The following SLC9B1 variants were observed in gnomAD, a reference collection of about 807,000 sequenced individuals.
The protein encoded by SLC9B1 is solute carrier family 9 member B1.
In SLC9B1, 32 loss-of-function variants were observed where a neutral mutation model predicts 51.7. The ratio of observed to expected loss-of-function variants is 0.62; its 90% CI spans 0.47 to 0.83. The LOEUF (loss-of-function observed/expected upper bound fraction) is 0.83. Among genes scored for constraint, SLC9B1 ranks in the 40% least tolerant of loss-of-function variants. SLC9B1 has a pLI of 0.00. For synonymous variants in SLC9B1, 145 were observed against 212.7 expected (o/e 0.68, Z 2.77); for missense variants, 406 against 613.2 (o/e 0.66, Z 3.57).
chr4:102,977,950 C>A (rs1166253578), intron 3 of SLC9B1, among the ~76,000 whole-genome samples: 1 of 151,976 alleles, frequency 6.6e-6, no homozygotes, highest in Non-Finnish European at 1.5e-5. Flanking sequence ...TAATGCTATC[C>A]CTCCCCACTA....
At chr4:102,952,810 TG>T (rs1737617578) in intron 3 of SLC9B1, among the ~76,000 whole-genome samples, 1 of 68,172 alleles carries the variant, frequency 1.5e-5, no homozygotes, top group Admixed American at 1.8e-4. Flanking sequence ...CACTTTTTGA[TG>T]GGGTTGTTTG....
At chr4:102,960,819 G>A (rs1332781104) in intron 3 of SLC9B1, among the ~76,000 whole-genome samples, 3 of 150,002 alleles carry the variant, frequency 2.0e-5, no homozygotes, top group Admixed American at 6.7e-5. Flanking sequence ...CACAACCTCC[G>A]CCTCCCGGGT....
At chr4:102,944,608 G>C (rs1737177280) in intron 6 of SLC9B1, among the ~76,000 whole-genome samples, 1 of 152,338 alleles carries the variant, frequency 6.6e-6, no homozygotes, top group Non-Finnish European at 1.5e-5. Context: ...CATTGGAATG[G>C]ATAAGCAGAG....
At chr4:102,934,154 T>C (rs1454453547) in intron 6 of SLC9B1, among the ~76,000 whole-genome samples, 4 of 152,268 alleles carry the variant, frequency 2.6e-5, no homozygotes, top group Non-Finnish European at 5.9e-5. Context: ...GCAGGGATTT[T>C]TACTGAGCTT....
intron 1 of SLC9B1, among the ~76,000 whole-genome samples, chr4:103,004,291 A>G (rs1314942656): frequency 6.6e-6 from 1 of 152,226 alleles, no homozygotes; most frequent in Non-Finnish European, 1.5e-5. Flanking sequence ...TTCATAATAC[A>G]ACCACAAGTA....
chr4:103,004,328 G>A (rs1560528666), intron 1 of SLC9B1, among the ~76,000 whole-genome samples: 1 of 152,038 alleles, frequency 6.6e-6, no homozygotes, highest in Non-Finnish European at 1.5e-5. Context: ...CCAAGCTCAG[G>A]AAATAATCTC....
intron 1 of SLC9B1, among the ~76,000 whole-genome samples, chr4:103,001,452 C>T (rs1269370355): frequency 6.6e-6 from 1 of 152,236 alleles, no homozygotes; most frequent in Admixed American, 6.5e-5. Context: ...TTAGAAATTT[C>T]TCCTGCCAGA....
At chr4:102,885,186 C>A in exon 12 of SLC9B1, 4 of 1,549,626 alleles carry the variant, frequency 2.6e-6, no homozygotes, top group Non-Finnish European at 3.6e-6. Flanking sequence ...TCCAAGAGCA[C>A]TGCAGATTCT....
intron 3 of SLC9B1, among the ~76,000 whole-genome samples, chr4:102,978,954 G>A (rs993410912): frequency 1.4e-4 from 22 of 152,186 alleles, no homozygotes; most frequent in East Asian, 5.8e-4. Flanking sequence ...TTAATTTACC[G>A]TACATGGTTA....
intron 7 of SLC9B1, among the ~76,000 whole-genome samples, chr4:102,915,170 A>G (rs1735519837): frequency 6.6e-6 from 1 of 152,150 alleles, no homozygotes; most frequent in Non-Finnish European, 1.5e-5. Flanking sequence ...ATGAAGGACA[A>G]ACAAAGAGTT....
At chr4:102,899,828 A>C (rs1391716980), downstream of SLC9B1, among the ~76,000 whole-genome samples, 2 of 152,200 alleles carry the variant, frequency 1.3e-5, no homozygotes, top group Non-Finnish European at 2.9e-5. Flanking sequence ...AATATTTGAA[A>C]ATGGAGTCTG....
intron 3 of SLC9B1, among the ~76,000 whole-genome samples, chr4:102,985,449 A>G (rs1006773452): frequency 6.6e-6 from 1 of 152,016 alleles, no homozygotes; most frequent in Admixed American, 6.6e-5. Context: ...TTCTGTTAGC[A>G]TATCAATTAT....
chr4:103,005,706 A>G lies in SLC9B1; in HGVS notation c.-2+13893T>C, dbSNP rs377723732. Among the ~76,000 whole-genome samples, 154 of 152,280 alleles carry G rather than the reference A, an allele frequency of 1.0e-3. 1 individual carries two copies. Among genetic ancestry groups the G allele is most frequent in the African/African-American group, 3.6e-3 (150 of 41,578 alleles). On this transcript the variant is annotated intron_variant, in intron 1 of 11. Transcript: ENST00000296422. ...CTGTAAATTGGCCACATGATCAGCC[A>G]TAAAACAATTCTCAGCAAATTTAAA... is the stretch of plus-strand genomic sequence containing the variant.
chr4:102,920,965 G>A (rs1735844111), intron 7 of SLC9B1, among the ~76,000 whole-genome samples: 1 of 152,174 alleles, frequency 6.6e-6, no homozygotes, highest in South Asian at 2.1e-4. Flanking sequence ...GAGGAGAATG[G>A]AACCAAGTTG....
intron 7 of SLC9B1, among the ~76,000 whole-genome samples, chr4:102,927,091 A>C (rs1288198486): frequency 6.6e-6 from 1 of 152,222 alleles, no homozygotes; most frequent in African/African-American, 2.4e-5. Flanking sequence ...CCTTATACAA[A>C]AATTAATTCA....
At chr4:102,989,423 A>G (rs1431862107) in intron 3 of SLC9B1, among the ~76,000 whole-genome samples, 1 of 152,010 alleles carries the variant, frequency 6.6e-6, no homozygotes, top group African/African-American at 2.4e-5. Flanking sequence ...TGCTGTTTTA[A>G]AACTTAGGGC....
intron 7 of SLC9B1, among the ~76,000 whole-genome samples, chr4:102,912,287 A>G (rs1259501778): frequency 2.6e-5 from 4 of 152,344 alleles, no homozygotes; most frequent in South Asian, 2.1e-4. Context: ...CATGAAAAGA[A>G]CAATGTAATA....
At chr4:102,948,186 T>A (rs1737361251) in intron 4 of SLC9B1, among the ~76,000 whole-genome samples, 1 of 152,144 alleles carries the variant, frequency 6.6e-6, no homozygotes, top group African/African-American at 2.4e-5. Flanking sequence ...TTCATTCATT[T>A]ATTCATCGTA....
At chr4:102,965,796 C>A (rs200253504) in intron 3 of SLC9B1, among the ~76,000 whole-genome samples, 20 of 143,026 alleles carry the variant, frequency 1.4e-4, no homozygotes, top group Admixed American at 4.2e-4. Flanking sequence ...AAAAAAAAAA[C>A]AACAAGTTAT....
Sources: allele counts gnomAD v4.1 joint callset (sites outside exome capture counted in the v4.1 genomes callset), GRCh38; gene constraint gnomAD v4.1.1; transcripts MANE v1.5; gene names NCBI Gene and HGNC (gene_info 2026-07-23, HGNC 2026-07-21).